Variants in TAF4 observed in about 807,000 individuals in gnomAD.
TAF4 encodes transcription initiation factor TFIID subunit 4.
A neutral mutation model predicts 90.3 loss-of-function variants in TAF4; 9 were observed. That is an observed-to-expected ratio of 0.10 (90% CI 0.06 to 0.17). The LOEUF is 0.17. Among genes scored for constraint, TAF4 ranks in the 10% least tolerant of loss-of-function variants. The pLI is 1.00. For synonymous variants in TAF4, 818 were observed against 638.9 expected (o/e 1.28, Z -4.23); for missense variants, 1,351 against 1,370.7 (o/e 0.99, Z 0.23).
intron 1 of TAF4, among the ~76,000 whole-genome samples, chr20:62,027,719 C>T (rs1290459998): frequency 2.6e-5 from 4 of 152,208 alleles, no homozygotes; most frequent in Non-Finnish European, 5.9e-5. Context: ...AAATCATTAA[C>T]TTTACCTCAC....
At chr20:62,031,933 C>G (rs775400743) in intron 1 of TAF4, among the ~76,000 whole-genome samples, 57 of 152,018 alleles carry the variant, frequency 3.7e-4, no homozygotes, top group Non-Finnish European at 6.6e-4. Flanking sequence ...CAGGACACTT[C>G]CAAACAAAAG....
At chr20:61,997,763 G>GT in intron 13 of TAF4, 94 bp from the exon 14 acceptor site, 1 of 1,402,480 alleles carries the variant, frequency 7.1e-7, no homozygotes, top group Non-Finnish European at 9.4e-7. Context: ...GTTTTCTGTA[G>GT]TTTTCTAAAT....
intron 1 of TAF4, among the ~76,000 whole-genome samples, chr20:62,054,863 C>G (rs1050492636): frequency 2.0e-5 from 3 of 152,132 alleles, no homozygotes; most frequent in Non-Finnish European, 4.4e-5. Flanking sequence ...CAGCTGCTCC[C>G]CTGAGCTCCT....
intron 1 of TAF4, among the ~76,000 whole-genome samples, chr20:62,026,466 C>G (rs1453292712): frequency 6.6e-6 from 1 of 152,160 alleles, no homozygotes; most frequent in Non-Finnish European, 1.5e-5. Context: ...AAAATAACAC[C>G]AAGCTAGCTC....
intron 1 of TAF4, among the ~76,000 whole-genome samples, chr20:62,055,086 G>A (rs2056052815): frequency 6.6e-6 from 1 of 152,166 alleles, no homozygotes; most frequent in Non-Finnish European, 1.5e-5. Context: ...GCCCTATCCA[G>A]CTTCAAACCC....
intron 1 of TAF4, among the ~76,000 whole-genome samples, chr20:62,057,564 G>A (rs940016124): frequency 3.3e-5 from 5 of 152,170 alleles, no homozygotes; most frequent in Non-Finnish European, 7.4e-5. Flanking sequence ...TCCTCACATC[G>A]GCGCTTTCCA....
intron 1 of TAF4, among the ~76,000 whole-genome samples, chr20:62,039,867 A>G (rs73301520): frequency 0.024 from 3,695 of 152,360 alleles, 94 homozygotes; most frequent in African/African-American, 0.06. Flanking sequence ...CCGAAAGAAG[A>G]TAGGCAAATG....
rs1050120693 is a variant in TAF4 at position 61,999,728 on chromosome 20, T to C, written c.2787+396A>G. On this transcript the variant is annotated intron_variant, in intron 11 of 14. Coordinates refer to ENST00000252996, the MANE Select transcript of TAF4 (RefSeq NM_003185.4). ...AAGGAGGCCAAGTCAGGAGGATCAC[T>C]TGAGGCAAGGAGTTTAGGACCAGCC... Among the ~76,000 whole-genome samples, 45 of 152,214 alleles carry C rather than the reference T, an allele frequency of 3.0e-4. 1 individual carries two copies. The highest frequency in any genetic ancestry group is 9.9e-4 in the African/African-American group (41 of 41,436).
chr20:62,002,575 T>C (rs2055713424), intron 9 of TAF4, among the ~76,000 whole-genome samples: 1 of 152,316 alleles, frequency 6.6e-6, no homozygotes, highest in Middle Eastern at 3.4e-3. Context: ...ACTGTAACAC[T>C]GAACTCCTGG....
intron 1 of TAF4, among the ~76,000 whole-genome samples, chr20:62,021,072 A>G (rs2123161193): frequency 6.6e-6 from 1 of 152,270 alleles, no homozygotes; most frequent in Admixed American, 6.5e-5. Flanking sequence ...AGCAGCCCTG[A>G]GAGCTCCACA....
chr20:62,053,288 T>G (rs1263179304), intron 1 of TAF4, among the ~76,000 whole-genome samples: 1 of 151,066 alleles, frequency 6.6e-6, no homozygotes, highest in Non-Finnish European at 1.5e-5. Flanking sequence ...CGGCCCTGAG[T>G]GCAAGCACCA....
Position 61,998,048 on chromosome 20 carries a change from A to G in TAF4, c.2970+88T>C, listed in dbSNP as rs1254792206. ...GACACGCAAATGCCTATCGTACAGAAGTGCCACGGTTTCCTTAGCCCCCCT... is the reference window on the plus strand; with the variant it reads ...GACACGCAAATGCCTATCGTACAGAGGTGCCACGGTTTCCTTAGCCCCCCT... On this transcript the variant is annotated intron_variant, in intron 13 of 14. Transcript: ENST00000252996. The G allele has an allele frequency of 3.1e-6, 4 of 1,270,470 alleles. No individual in the cohort carries two copies. The East Asian group carries it at 7.1e-5, about 23-fold the overall frequency. The allele number at this position is 1,270,470 out of a possible 1,614,324, so 78.7% of individuals were successfully genotyped here.
Position 62,010,267 on chromosome 20 carries a change from G to C in TAF4, c.1642-102C>G. The stretch of plus-strand genomic sequence containing the variant: ...GCAAAAGAAAACAAGCCTCCCTGCG[G>C]TGGCCAGGACGCCCAGGAAGCCAAG... On this transcript the variant is annotated intron_variant, in intron 3 of 14. Coordinates refer to ENST00000252996, the MANE Select transcript of TAF4 (RefSeq NM_003185.4). This position sits in a 1 kb window ranked among gnomAD's most constrained non-coding sequence, Gnocchi z 4.5. 1 of 1,561,654 alleles carries C rather than the reference G, an allele frequency of 6.4e-7. No individual in the cohort carries two copies. Among genetic ancestry groups the C allele is most frequent in the Middle Eastern group, 1.9e-4 (1 of 5,284 alleles).
rs555793597 is a variant in TAF4 at position 62,034,827 on chromosome 20, C to CTTTTCTTTTTTTTTTTTTT, written c.1361-20121_1361-20120insAAAAAAAAAAAAAAGAAAA. ...GATATAGTCACTATCTCATAGATTT[C>CTTTTCTTTTTTTTTTTTTT]TTTTTTTTTTTGAGATGGAGTCTCG... On this transcript the variant is annotated intron_variant, in intron 1 of 14. Coordinates refer to ENST00000252996, the MANE Select transcript of TAF4 (RefSeq NM_003185.4). 1.8e-4 allele frequency among the ~76,000 whole-genome samples: 25 copies of CTTTTCTTTTTTTTTTTTTT among 141,854 alleles called. 1 individual carries two copies. The highest frequency in any genetic ancestry group is 4.9e-4 in the African/African-American group (19 of 38,646). 93.1% of individuals were successfully genotyped at this position (141,854 alleles called of 152,430 possible).
intron 1 of TAF4, among the ~76,000 whole-genome samples, chr20:62,051,567 A>G (rs1475215710): frequency 6.6e-6 from 1 of 151,822 alleles, no homozygotes; most frequent in Non-Finnish European, 1.5e-5. Context: ...CATAGGACAC[A>G]GGGCTGGGCC....
chr20:61,991,680 T>C (rs752355757), intron 14 of TAF4, among the ~76,000 whole-genome samples: 3 of 151,554 alleles, frequency 2.0e-5, no homozygotes, highest in Non-Finnish European at 2.9e-5. Flanking sequence ...GCAAAGAAGA[T>C]ACAACACGTG....
At chr20:61,983,396 C>T (rs1213504580) in intron 14 of TAF4, among the ~76,000 whole-genome samples, 1 of 152,154 alleles carries the variant, frequency 6.6e-6, no homozygotes, top group Admixed American at 6.5e-5. Context: ...CAACTCACAC[C>T]TGTAATCTCA....
chr20:62,017,634 G>A (rs1379270323), intron 1 of TAF4, among the ~76,000 whole-genome samples: 6 of 152,098 alleles, frequency 3.9e-5, no homozygotes, highest in East Asian at 3.9e-4. Context: ...GCGACAGAGC[G>A]AGACTCCGTC....
At position 62,003,669 on chromosome 20, in the gene TAF4, T is replaced by C. The variant is rs147492848; in HGVS notation, c.2371+62A>G. 426 of 1,492,188 alleles carry C rather than the reference T, an allele frequency of 2.9e-4. 5 individuals carry two copies. In the East Asian group the frequency reaches 0.01, roughly 37 times the overall value. The allele number at this position is 1,492,188 out of a possible 1,614,324, so 92.4% of individuals were successfully genotyped here. A position where few individuals can be genotyped will look rare whatever the true frequency, so the allele number is the denominator to read the frequency against. ...TTTACCCAATTAAATAAAAGCCCAATGGCAGCTGGCTCTGGGAGCAGCCCT... is the reference window on the plus strand; with the variant it reads ...TTTACCCAATTAAATAAAAGCCCAACGGCAGCTGGCTCTGGGAGCAGCCCT... On this transcript the variant is annotated intron_variant, in intron 8 of 14. Transcript: ENST00000252996.
Sources: gnomAD v4.1 joint callset for allele counts (sites outside exome capture counted in the v4.1 genomes callset) on GRCh38, gnomAD v4.1.1 for gene constraint, Gnocchi (gnomAD v3.1) non-coding constraint, MANE v1.5 for transcripts, NCBI Gene and HGNC (gene_info 2026-07-23, HGNC 2026-07-21) for gene names.